ZNF441: variants seen among roughly 807,000 people sequenced by gnomAD.
ZNF441 encodes the protein zinc finger protein 441.
ZNF441 carries 25 observed loss-of-function variants against 64.5 expected under a neutral mutation model. The ratio of observed to expected loss-of-function variants is 0.39; its 90% CI spans 0.28 to 0.54. The LOEUF (loss-of-function observed/expected upper bound fraction) is 0.54. ZNF441 is among the 20% of genes least tolerant of loss of function. The pLI is 0.70. For missense variants in ZNF441, 715 were observed against 843.3 expected, an observed-to-expected ratio of 0.85 and a Z score of 1.88; for synonymous variants, 262 against 268.0, an observed-to-expected ratio of 0.98 and a Z score of 0.22.
intron 1 of ZNF441, among the ~76,000 whole-genome samples, chr19:11,768,875 T>C (rs897402091): frequency 1.1e-4 from 17 of 152,188 alleles, no homozygotes; most frequent in African/African-American, 4.1e-4. Context: ...CTCAGACTAA[T>C]GAAGGGAGAA....
intron 1 of ZNF441, among the ~76,000 whole-genome samples, chr19:11,775,363 G>A (rs751887685): frequency 3.3e-5 from 5 of 151,944 alleles, no homozygotes; most frequent in Non-Finnish European, 7.4e-5. Flanking sequence ...GGAGTCTCGC[G>A]CTGTCGCCCA....
At position 11,780,013 on chromosome 19, in the gene ZNF441, T is replaced by C. The variant is rs775396389; in HGVS notation, c.195-6T>C. The C allele has an allele frequency of 6.3e-7, 1 of 1,588,692 alleles. No homozygotes were observed. Among genetic ancestry groups the C allele is most frequent in the Admixed American group, 1.8e-5 (1 of 55,788 alleles). ...CCTTTACTAATGTACTTCTTATTTT[T>C]TACAGATGTCATATGGTAGAGAGAG... On this transcript the variant is annotated splice_region_variant and splice_polypyrimidine_tract_variant and intron_variant, in intron 3 of 3. Transcript: ENST00000357901.
intron 1 of ZNF441, among the ~76,000 whole-genome samples, chr19:11,775,714 G>C (rs907990936): frequency 7.0e-6 from 1 of 141,868 alleles, no homozygotes; most frequent in South Asian, 2.2e-4. Context: ...TGCAACCTCC[G>C]ATTCGCAGGT....
intron 3 of ZNF441, among the ~76,000 whole-genome samples, chr19:11,779,746 CAA>C (rs59397026): frequency 3.2e-5 from 4 of 124,370 alleles, no homozygotes; most frequent in Non-Finnish European, 3.4e-5. Context: ...GACTCCGTCT[CAA>C]AAAAAAAAAA....
rs1366232019 is a variant in ZNF441 at position 11,782,644 on chromosome 19, A to C, written c.*738A>C. The C allele has an allele frequency of 2.0e-5, 3 of 152,184 alleles. No homozygotes were observed. Among genetic ancestry groups the C allele is most frequent in the Non-Finnish European group, 2.9e-5 (2 of 68,030 alleles). The allele number at this position is 152,184 out of a possible 1,614,324, so 9.4% of individuals were successfully genotyped here. On this transcript the variant is annotated 3_prime_UTR_variant, in exon 4 of 4. Coordinates refer to ENST00000357901, the MANE Select transcript of ZNF441 (RefSeq NM_152355.3). The stretch of plus-strand genomic sequence containing the variant: ...GCGAGTATAAGATCTTTAAGTGTTG[A>C]AGGTTTCATCTCCATAATTGCAGCT...
Position 11,781,422 on chromosome 19 carries a change from G to T in ZNF441, c.1598G>T (p.Cys533Phe), listed in dbSNP as rs1258727522. Residue 533 changes from cysteine to phenylalanine, a missense_variant, in exon 4 of 4, where the codon TGT becomes TTT. Physicochemically the swap from Cys to Phe is radical, Grantham distance 205 (BLOSUM62 -2). Around this residue, in one of 2 missense-constraint regions of ZNF441, gnomAD observed 316 missense variants for 429.3 expected, o/e 0.74. Coordinates refer to ENST00000357901, the MANE Select transcript of ZNF441 (RefSeq NM_152355.3). ...RIHTGERPYK[C>F]KLCGKGFRSS... Reference sequence around the variant, plus strand: ...CACACTGGGGAGAGACCCTATAAGTGTAAACTATGTGGGAAAGGCTTCAGG... The same window carrying T: ...CACACTGGGGAGAGACCCTATAAGTTTAAACTATGTGGGAAAGGCTTCAGG... The T allele has an allele frequency of 6.2e-7, 1 of 1,614,050 alleles. No homozygotes were observed.
rs958904200 is a variant in ZNF441 at position 11,767,409 on chromosome 19, T to G, written c.3+213T>G. Among the ~76,000 whole-genome samples, 6 of 152,230 alleles carry G rather than the reference T, an allele frequency of 3.9e-5. No individual in the cohort carries two copies. The highest frequency in any genetic ancestry group is 1.4e-4 in the African/African-American group (6 of 41,460). Reference sequence around the variant, plus strand: ...TGCGCGGCCACTGCGGCCCTGGCCCTGGAGGCCTGTCTGGGCAGCTCCGCG... The same window carrying G: ...TGCGCGGCCACTGCGGCCCTGGCCCGGGAGGCCTGTCTGGGCAGCTCCGCG... On this transcript the variant is annotated intron_variant, in intron 1 of 3. Coordinates refer to ENST00000357901, the MANE Select transcript of ZNF441 (RefSeq NM_152355.3). The surrounding 1 kb of genome is among the most constrained non-coding windows in gnomAD (Gnocchi z 5.1).
rs1292638444 is a variant in ZNF441 at position 11,781,557 on chromosome 19, T to G, written c.1733T>G (p.Met578Arg). The change falls in exon 4 of 4, where the codon ATG becomes AGG. Residue 578 changes from methionine (M) to arginine (R), a missense_variant. Around this residue, in one of 2 missense-constraint regions of ZNF441, gnomAD observed 316 missense variants for 429.3 expected, o/e 0.74. Coordinates refer to ENST00000357901, the MANE Select transcript of ZNF441 (RefSeq NM_152355.3). ...GATCTCTCAAGCTTTCGAAGACACATGATAACACATACTGGAAATGGACCT... is the reference window on the plus strand; with the variant it reads ...GATCTCTCAAGCTTTCGAAGACACAGGATAACACATACTGGAAATGGACCT... ...LSDLSSFRRHMITHTGNGPHK... is the reference protein window; with the variant it reads ...LSDLSSFRRHRITHTGNGPHK... 1 of 1,613,542 alleles carries G rather than the reference T, an allele frequency of 6.2e-7. No homozygotes were observed. Among genetic ancestry groups the G allele is most frequent in the African/African-American group, 1.3e-5 (1 of 74,750 alleles).
At chr19:11,768,896 A>G (rs1419729664) in intron 1 of ZNF441, among the ~76,000 whole-genome samples, 1 of 152,204 alleles carries the variant, frequency 6.6e-6, no homozygotes, top group Admixed American at 6.5e-5. Context: ...AACTATCCCT[A>G]AGGACAGGAA....
chr19:11,780,192 G>A lies in ZNF441; in HGVS notation c.368G>A (p.Arg123Lys). The A allele has an allele frequency of 1.2e-6, 2 of 1,614,168 alleles. No homozygotes were observed. The highest frequency in any genetic ancestry group is 1.1e-5 in the South Asian group (1 of 91,070). Residue 123 changes from arginine to lysine, a missense_variant, in exon 4 of 4, where the codon AGA becomes AAA. Around this residue, in one of 2 missense-constraint regions of ZNF441, gnomAD observed 399 missense variants for 413.9 expected, o/e 0.96. Coordinates refer to ENST00000357901, the MANE Select transcript of ZNF441 (RefSeq NM_152355.3). ...MGRSSLNCYVRVDSEHKPCEY... is the reference protein window; with the variant it reads ...MGRSSLNCYVKVDSEHKPCEY... ...CGTTCATCTCTTAATTGCTACGTTA[G>A]AGTTGACAGTGAACACAAACCATGT...
At chr19:11,775,166 C>G (rs966563569) in intron 1 of ZNF441, among the ~76,000 whole-genome samples, 6 of 152,234 alleles carry the variant, frequency 3.9e-5, no homozygotes, top group Non-Finnish European at 8.8e-5. Flanking sequence ...AGCCAGACTG[C>G]TTAAAACTCT....
In ZNF441 at chr19:11,767,172, C is replaced by T. The variant is rs944250027; in HGVS notation, c.-22C>T. The T allele has an allele frequency of 1.3e-6, 2 of 1,557,410 alleles. No homozygotes were observed. The highest frequency in any genetic ancestry group is 1.7e-6 in the Non-Finnish European group (2 of 1,150,450). ...TGACAGCGGGAGGCAGAGGGAGGAA[C>T]CTGGACGCCGGAAGCCGGGAAATGG... On this transcript the variant is annotated 5_prime_UTR_variant, in exon 1 of 4. Coordinates refer to ENST00000357901, the MANE Select transcript of ZNF441 (RefSeq NM_152355.3). This position sits in a 1 kb window ranked among gnomAD's most constrained non-coding sequence, Gnocchi z 5.1.
In ZNF441 at chr19:11,782,112, C is replaced by A. The variant is rs911428058; in HGVS notation, c.*206C>A. The A allele has an allele frequency of 1.1e-5, 5 of 437,458 alleles. No individual in the cohort carries two copies. Among genetic ancestry groups the A allele is most frequent in the African/African-American group, 8.0e-5 (4 of 50,074 alleles). The allele number at this position is 437,458 out of a possible 1,614,324, so 27.1% of individuals were successfully genotyped here. ...AATGAATGTGAGGAATATGAAAAAA[C>A]TTTCTTTGTCTAGCAAACTTTCAAA... On this transcript the variant is annotated 3_prime_UTR_variant, in exon 4 of 4. Transcript: ENST00000357901.
chr19:11,775,193 T>C (rs1211645785), intron 1 of ZNF441, among the ~76,000 whole-genome samples: 1 of 152,250 alleles, frequency 6.6e-6, no homozygotes, highest in Non-Finnish European at 1.5e-5. Flanking sequence ...GCCTTACCTT[T>C]CTGTTTTACC....
At chr19:11,777,531 T>A (rs1214739708) in intron 1 of ZNF441, 80 bp from the exon 2 acceptor site, 30 of 1,496,630 alleles carry the variant, frequency 2.0e-5, no homozygotes, top group Non-Finnish European at 2.7e-5. Context: ...CACAGCATCA[T>A]GTGAAGGTTA....
At chr19:11,777,530 A>G in intron 1 of ZNF441, 81 bp from the exon 2 acceptor site, 1 of 1,496,076 alleles carries the variant, frequency 6.7e-7, no homozygotes. Flanking sequence ...CCACAGCATC[A>G]TGTGAAGGTT....
chr19:11,770,222 C>T (rs1975302566), intron 1 of ZNF441, among the ~76,000 whole-genome samples: 1 of 152,066 alleles, frequency 6.6e-6, no homozygotes, highest in African/African-American at 2.4e-5. Context: ...GCAGGCAAGA[C>T]AGCATGTGAA....
chr19:11,779,699 A>G (rs1975382116), intron 3 of ZNF441, among the ~76,000 whole-genome samples: 1 of 150,568 alleles, frequency 6.6e-6, no homozygotes, highest in Admixed American at 6.6e-5. Context: ...GTGAGCCGAG[A>G]TTGCGCCACT....
intron 1 of ZNF441, among the ~76,000 whole-genome samples, chr19:11,774,259 A>C (rs975221773): frequency 1.3e-5 from 2 of 152,160 alleles, no homozygotes; most frequent in African/African-American, 4.8e-5. Context: ...TATGTTGAAC[A>C]AACCTGTATC....
Sources: allele counts gnomAD v4.1 joint callset (sites outside exome capture counted in the v4.1 genomes callset), GRCh38; gene constraint gnomAD v4.1.1; regional missense constraint gnomAD v4.1.1; non-coding constraint Gnocchi (gnomAD v3.1); transcripts MANE v1.5; gene names NCBI Gene and HGNC (gene_info 2026-07-23, HGNC 2026-07-21).